DYM: variants seen among roughly 807,000 people sequenced by gnomAD.
DYM encodes dymeclin.
Under a neutral mutation model 93.1 loss-of-function variants are expected in DYM, and 78 were observed. The ratio of observed to expected loss-of-function variants is 0.84; its 90% CI spans 0.70 to 1.01. The LOEUF is 1.01. DYM is among the 50% of genes least tolerant of loss of function. DYM has a pLI of 0.00. For synonymous variants in DYM, 321 were observed against 319.7 expected (o/e 1.00, Z -0.04); for missense variants, 789 against 845.0 (o/e 0.93, Z 0.82).
At chr18:49,160,516 C>T (rs2086970320) in intron 15 of DYM, among the ~76,000 whole-genome samples, 1 of 150,188 alleles carries the variant, frequency 6.7e-6, no homozygotes, top group African/African-American at 2.5e-5. Flanking sequence ...CTTATTCAAA[C>T]TCTGCTAATA....
chr18:49,292,970 T>G (rs1415132952), intron 8 of DYM, among the ~76,000 whole-genome samples: 1 of 151,644 alleles, frequency 6.6e-6, no homozygotes, highest in East Asian at 1.9e-4. Context: ...TGCTATCCCC[T>G]CCTCTAGCCC....
chr18:49,071,172 A>G (rs2076856081), intron 17 of DYM, among the ~76,000 whole-genome samples: 1 of 152,204 alleles, frequency 6.6e-6, no homozygotes, highest in African/African-American at 2.4e-5. Flanking sequence ...TGTTGAATGC[A>G]TGAATTTGAT....
intron 8 of DYM, among the ~76,000 whole-genome samples, chr18:49,320,273 T>C (rs2062364312): frequency 6.6e-6 from 1 of 152,116 alleles, no homozygotes; most frequent in Non-Finnish European, 1.5e-5. Flanking sequence ...ATTATGAAAA[T>C]AGTCAAACAT....
At chr18:49,189,052 G>GA (rs201758654) in intron 14 of DYM, among the ~76,000 whole-genome samples, 2 of 151,846 alleles carry the variant, frequency 1.3e-5, no homozygotes, top group Non-Finnish European at 2.9e-5. Flanking sequence ...AATTAACACA[G>GA]AAAAAAAACT....
intron 14 of DYM, among the ~76,000 whole-genome samples, chr18:49,165,309 G>A (rs537690542): frequency 1.3e-5 from 2 of 152,146 alleles, no homozygotes; most frequent in African/African-American, 2.4e-5. Context: ...TAAATTTATT[G>A]TATCAAATAA....
At chr18:49,160,929 T>C (rs2087029351) in intron 15 of DYM, among the ~76,000 whole-genome samples, 1 of 152,152 alleles carries the variant, frequency 6.6e-6, no homozygotes, top group Non-Finnish European at 1.5e-5. Context: ...TAATCACCTT[T>C]CAGGTCTCTA....
At chr18:49,078,383 A>C (rs1599569752) in intron 17 of DYM, among the ~76,000 whole-genome samples, 2 of 149,366 alleles carry the variant, frequency 1.3e-5, no homozygotes, top group East Asian at 4.1e-4. Context: ...GCACCCACAA[A>C]AATTAAAATA....
intron 6 of DYM, among the ~76,000 whole-genome samples, chr18:49,353,606 G>T (rs934314966): frequency 6.6e-6 from 1 of 151,908 alleles, no homozygotes; most frequent in African/African-American, 2.4e-5. Context: ...AAAGGTGCAA[G>T]TAGAAGGAGA....
intron 17 of DYM, among the ~76,000 whole-genome samples, chr18:49,088,266 T>C (rs991879349): frequency 1.3e-5 from 2 of 152,244 alleles, no homozygotes; most frequent in African/African-American, 4.8e-5. Flanking sequence ...CCTAAGTCTT[T>C]AATCCATCTT....
At chr18:49,430,177 A>C in intron 2 of DYM, 78 bp downstream of exon 2, 1 of 1,387,256 alleles carries the variant, frequency 7.2e-7, no homozygotes, top group Non-Finnish European at 1.0e-6. Context: ...AACATTTCTA[A>C]ATTTTTTTTT....
chr18:49,306,048 A>T (rs1261780103), intron 8 of DYM, among the ~76,000 whole-genome samples: 9 of 152,232 alleles, frequency 5.9e-5, no homozygotes, highest in Non-Finnish European at 1.3e-4. Flanking sequence ...AGTATTTCAT[A>T]GTAGATCAGA....
chr18:49,223,652 C>A (rs761313932), intron 13 of DYM, among the ~76,000 whole-genome samples: 2 of 151,860 alleles, frequency 1.3e-5, no homozygotes, highest in Non-Finnish European at 2.9e-5. Flanking sequence ...TAACAAAGTA[C>A]TACAGATGAA....
chr18:49,090,118 G>T (rs1049914898), intron 17 of DYM, among the ~76,000 whole-genome samples: 1 of 152,162 alleles, frequency 6.6e-6, no homozygotes, highest in East Asian at 1.9e-4. Flanking sequence ...AGCAGTTTCC[G>T]GATCCATTTA....
chr18:49,232,475 T>C (rs1450416828), intron 13 of DYM, among the ~76,000 whole-genome samples: 1 of 150,600 alleles, frequency 6.6e-6, no homozygotes, highest in Non-Finnish European at 1.5e-5. Flanking sequence ...GGCTAATTTT[T>C]TGTATTTTTA....
At chr18:49,356,820 A>G (rs896475907) in intron 6 of DYM, among the ~76,000 whole-genome samples, 3 of 152,256 alleles carry the variant, frequency 2.0e-5, no homozygotes, top group African/African-American at 7.2e-5. Context: ...TGCATCTTAT[A>G]TAATGTTATT....
intron 2 of DYM, among the ~76,000 whole-genome samples, chr18:49,429,235 T>A (rs924982846): frequency 3.3e-5 from 5 of 152,228 alleles, no homozygotes; most frequent in Admixed American, 6.5e-5. Context: ...GCCCAGATAA[T>A]CCAAGATAAT....
intron 13 of DYM, among the ~76,000 whole-genome samples, chr18:49,226,633 G>A (rs972530267): frequency 1.3e-5 from 2 of 152,036 alleles, no homozygotes; most frequent in African/African-American, 2.4e-5. Flanking sequence ...TAGGGTGAAG[G>A]GAACTCTAAT....
chr18:49,185,934 A>G (rs553750654), intron 14 of DYM, among the ~76,000 whole-genome samples: 116 of 152,274 alleles, frequency 7.6e-4, no homozygotes, highest in African/African-American at 2.6e-3. Flanking sequence ...TGTCCTGACC[A>G]AAATCTGACA....
intron 2 of DYM, among the ~76,000 whole-genome samples, chr18:49,415,794 G>T (rs912920783): frequency 6.6e-6 from 1 of 152,026 alleles, no homozygotes; most frequent in Non-Finnish European, 1.5e-5. Flanking sequence ...AGGCATGGTG[G>T]CATGTGCCTG....
Sources: gnomAD v4.1 joint callset for allele counts (sites outside exome capture counted in the v4.1 genomes callset) on GRCh38, gnomAD v4.1.1 for gene constraint, MANE v1.5 for transcripts, NCBI Gene and HGNC (gene_info 2026-07-23, HGNC 2026-07-21) for gene names.